The following SUMF1 variants were observed in gnomAD, a reference collection of about 807,000 sequenced individuals.
SUMF1 encodes formylglycine-generating enzyme.
In SUMF1, 48 loss-of-function variants were observed where a neutral mutation model predicts 47.6. The observed-to-expected ratio is 1.01, with a 90% CI of 0.80 to 1.28. The LOEUF (loss-of-function observed/expected upper bound fraction) is 1.28, where lower values mean the gene tolerates loss of function less well. Ranked by LOEUF, SUMF1 falls within the 50% of genes most tolerant of loss-of-function variation. SUMF1 has a pLI of 0.00. For synonymous variants in SUMF1, 230 were observed against 192.1 expected, an observed-to-expected ratio of 1.20 and a Z score of -1.63; for missense variants, 571 against 485.4, an observed-to-expected ratio of 1.18 and a Z score of -1.66.
At position 4,069,063 on chromosome 3, in the gene SUMF1, C is replaced by G. The variant is rs114118523; in HGVS notation, c.1015-318G>C. On this transcript the variant is annotated intron_variant and NMD_transcript_variant, in intron 8 of 12. Coordinates refer to the SUMF1 transcript ENST00000448413. ...AAGTTGATAGAATCAGCAAGACCAA[C>G]AGCAAGGCCTCAGCAGGGCCAACCG... Among the ~76,000 whole-genome samples the G allele has an allele frequency of 3.8e-3, 571 of 152,262 alleles. 6 individuals carry two copies. Among genetic ancestry groups the G allele is most frequent in the African/African-American group, 0.013 (541 of 41,540 alleles).
chr3:4,260,700 A>C (rs1016230842), intron 8 of SUMF1, among the ~76,000 whole-genome samples: 2 of 152,020 alleles, frequency 1.3e-5, no homozygotes, highest in Admixed American at 1.3e-4. Flanking sequence ...TCGCCACTGC[A>C]CTCCATCCTG....
At chr3:4,315,898 T>G (rs577202678) in intron 8 of SUMF1, among the ~76,000 whole-genome samples, 1 of 151,724 alleles carries the variant, frequency 6.6e-6, no homozygotes, top group African/African-American at 2.4e-5. Flanking sequence ...AATACAAAAA[T>G]TAGTTAGATG....
intron 8 of SUMF1, among the ~76,000 whole-genome samples, chr3:4,219,056 A>G (rs891048711): frequency 6.6e-6 from 1 of 152,056 alleles, no homozygotes; most frequent in Non-Finnish European, 1.5e-5. Flanking sequence ...CCTCCCGCAA[A>G]CAGCAGTAGC....
At chr3:4,372,389 A>C (rs1700196660) in intron 8 of SUMF1, among the ~76,000 whole-genome samples, 1 of 152,218 alleles carries the variant, frequency 6.6e-6, no homozygotes, top group Non-Finnish European at 1.5e-5. Flanking sequence ...TTTTTTAAAA[A>C]ATGAATTATA....
At chr3:4,425,469 G>A (rs1035920363) in intron 3 of SUMF1, among the ~76,000 whole-genome samples, 1 of 152,068 alleles carries the variant, frequency 6.6e-6, no homozygotes, top group Admixed American at 6.6e-5. Flanking sequence ...ATTCTAATTA[G>A]TGAAAATCTA....
At chr3:4,415,503 G>T (rs1391478909) in intron 6 of SUMF1, among the ~76,000 whole-genome samples, 2 of 151,998 alleles carry the variant, frequency 1.3e-5, no homozygotes, top group Non-Finnish European at 2.9e-5. Context: ...TTCACTGCTG[G>T]GAATCTATCT....
intron 8 of SUMF1, among the ~76,000 whole-genome samples, chr3:4,324,438 T>C (rs56881461): frequency 0.012 from 1,812 of 152,238 alleles, 18 homozygotes; most frequent in African/African-American, 0.036. Flanking sequence ...ATGAGTTTTC[T>C]AAAGAGGATT....
chr3:4,100,036 A>G (rs1399018990), intron 8 of SUMF1, among the ~76,000 whole-genome samples: 1 of 151,400 alleles, frequency 6.6e-6, no homozygotes, highest in Non-Finnish European at 1.5e-5. Flanking sequence ...AATTCAATTC[A>G]ATCCAATTCA....
intron 8 of SUMF1, among the ~76,000 whole-genome samples, chr3:4,243,730 G>C (rs951254580): frequency 5.3e-5 from 8 of 152,290 alleles, no homozygotes; most frequent in African/African-American, 1.9e-4. Context: ...TGAGAAGAAT[G>C]TATATTCTGT....
chr3:4,411,999 G>A (rs1189622958), intron 6 of SUMF1, among the ~76,000 whole-genome samples: 2 of 152,132 alleles, frequency 1.3e-5, no homozygotes, highest in African/African-American at 4.8e-5. Flanking sequence ...CCATGAATAT[G>A]GAAGCATCTG....
At chr3:4,131,988 A>G (rs1693802248) in intron 8 of SUMF1, among the ~76,000 whole-genome samples, 2 of 152,108 alleles carry the variant, frequency 1.3e-5, no homozygotes, top group Admixed American at 1.3e-4. Flanking sequence ...TGAGTGCCCA[A>G]TTTGCCAGGA....
chr3:4,060,129 G>A (rs187245160), intron 9 of SUMF1, among the ~76,000 whole-genome samples: 307 of 152,292 alleles, frequency 2.0e-3, no homozygotes, highest in African/African-American at 6.9e-3. Context: ...TCAGATTTAC[G>A]TTTTGAAAAA....
intron 8 of SUMF1, among the ~76,000 whole-genome samples, chr3:4,219,590 C>A (rs313682): frequency 0.58 from 88,684 of 151,928 alleles, 26,086 homozygotes; most frequent in South Asian, 0.69. Context: ...GACCCAAAAT[C>A]TCTCTTTCCT....
intron 7 of SUMF1, among the ~76,000 whole-genome samples, chr3:4,385,677 T>C (rs1448416780): frequency 6.6e-6 from 1 of 152,216 alleles, no homozygotes; most frequent in African/African-American, 2.4e-5. Context: ...TCATGCTTTT[T>C]GGTGTCAAGT....
chr3:4,205,039 A>G (rs1695621769), intron 8 of SUMF1, among the ~76,000 whole-genome samples: 1 of 152,090 alleles, frequency 6.6e-6, no homozygotes, highest in Non-Finnish European at 1.5e-5. Context: ...GCCCAAGCTA[A>G]GCCACCATAT....
intron 8 of SUMF1, among the ~76,000 whole-genome samples, chr3:4,214,706 T>C (rs891169757): frequency 1.3e-5 from 2 of 151,792 alleles, no homozygotes; most frequent in Non-Finnish European, 2.9e-5. Context: ...AAAAATCATA[T>C]AGGGGATATT....
At chr3:4,441,565 C>T (rs1311941780) in intron 3 of SUMF1, among the ~76,000 whole-genome samples, 1 of 152,030 alleles carries the variant, frequency 6.6e-6, no homozygotes, top group African/African-American at 2.4e-5. Context: ...GTATAATATC[C>T]CCCCAAAAAA....
chr3:4,059,379 T>C (rs1418585528), intron 9 of SUMF1, among the ~76,000 whole-genome samples: 2 of 152,128 alleles, frequency 1.3e-5, no homozygotes, highest in Admixed American at 1.3e-4. Flanking sequence ...AGAAGGCCCT[T>C]GGAAATTGCC....
chr3:4,326,345 A>T (rs1208825044), intron 8 of SUMF1, among the ~76,000 whole-genome samples: 1 of 152,110 alleles, frequency 6.6e-6, no homozygotes, highest in Non-Finnish European at 1.5e-5. Flanking sequence ...AGCTTTCTCA[A>T]GCACAGCCAA....
Sources: gnomAD v4.1 joint callset for allele counts (sites outside exome capture counted in the v4.1 genomes callset) on GRCh38, gnomAD v4.1.1 for gene constraint, MANE v1.5 for transcripts, NCBI Gene and HGNC (gene_info 2026-07-23, HGNC 2026-07-21) for gene names.